SYT17: variants seen among roughly 807,000 people sequenced by gnomAD.
SYT17 encodes the protein synaptotagmin-17.
In SYT17, 22 loss-of-function variants were observed where a neutral mutation model predicts 46.7. That is an observed-to-expected ratio of 0.47 (90% CI 0.34 to 0.67). The LOEUF is 0.67. SYT17 is among the 30% of genes least tolerant of loss of function. The pLI, the probability that SYT17 is intolerant of heterozygous loss-of-function variation, is 0.01. For missense variants in SYT17, 519 were observed against 612.8 expected, an observed-to-expected ratio of 0.85 and a Z score of 1.62; for synonymous variants, 251 against 248.4, an observed-to-expected ratio of 1.01 and a Z score of -0.10.
chr16:19,186,606 C>G (rs1964801192), intron 5 of SYT17, among the ~76,000 whole-genome samples: 1 of 152,274 alleles, frequency 6.6e-6, no homozygotes, highest in African/African-American at 2.4e-5. Flanking sequence ...CTTGCTGGTG[C>G]TATTATCAGC....
chr16:19,196,404 G>C (rs1046236192), intron 5 of SYT17, among the ~76,000 whole-genome samples: 2 of 151,768 alleles, frequency 1.3e-5, no homozygotes, highest in Non-Finnish European at 2.9e-5. Context: ...CACCACACCC[G>C]GTTAATTTTT....
At position 19,180,436 on chromosome 16, in the gene SYT17, G is replaced by A. The variant is rs199936686; in HGVS notation, c.228G>A (p.Thr76=). 72 of 1,614,174 alleles carry A rather than the reference G, an allele frequency of 4.5e-5. No individual in the cohort carries two copies. The highest frequency in any genetic ancestry group is 1.3e-4 in the Admixed American group (8 of 60,028). The change falls in exon 4 of 8, where the codon ACG becomes ACA. Residue 76 remains threonine, a synonymous_variant. Coordinates refer to ENST00000355377, the MANE Select transcript of SYT17 (RefSeq NM_016524.4). ...SSDKDGDSVH[T]ASEVPLTPRT... ...ACAAGGATGGTGACTCTGTCCACAC[G>A]GCCAGCGAAGTCCCGCTGACCCCAC... is the stretch of plus-strand genomic sequence containing the variant.
intron 7 of SYT17, among the ~76,000 whole-genome samples, chr16:19,244,915 T>C (rs1967422905): frequency 3.3e-5 from 5 of 152,182 alleles, no homozygotes. Context: ...GGCTGGGAAA[T>C]GTAGTCCAGC....
chr16:19,232,969 C>T (rs1331827286), intron 7 of SYT17, among the ~76,000 whole-genome samples: 1 of 152,174 alleles, frequency 6.6e-6, no homozygotes, highest in East Asian at 1.9e-4. Flanking sequence ...ATGCCCCGTT[C>T]CCAGAACAGA....
At chr16:19,219,605 A>G (rs3826250) in intron 5 of SYT17, among the ~76,000 whole-genome samples, 51,097 of 152,026 alleles carry the variant, frequency 0.34, 10,205 homozygotes, top group East Asian at 0.74. Flanking sequence ...GCAAATGCAC[A>G]CGTAACTGCT....
At chr16:19,232,839 T>TAAACAAACAAACAAAC (rs57954740) in intron 7 of SYT17, among the ~76,000 whole-genome samples, 15 of 150,116 alleles carry the variant, frequency 1.0e-4, no homozygotes, top group African/African-American at 3.2e-4. Context: ...CTCAAAAACA[T>TAAACAAACAAACAAAC]AAACAAACAA....
chr16:19,193,747 C>T (rs1288794157), intron 5 of SYT17, among the ~76,000 whole-genome samples: 1 of 152,198 alleles, frequency 6.6e-6, no homozygotes, highest in African/African-American at 2.4e-5. Context: ...CTTAATCATA[C>T]TGGGGAACTC....
chr16:19,182,016 AGAG>A (rs1159807934), intron 4 of SYT17, among the ~76,000 whole-genome samples: 15 of 149,042 alleles, frequency 1.0e-4, no homozygotes, highest in Admixed American at 6.7e-4. Flanking sequence ...AAAAAAAAAA[AGAG>A]AGAGAGGATT....
At chr16:19,253,448 G>A (rs546503763) in intron 7 of SYT17, among the ~76,000 whole-genome samples, 1 of 152,194 alleles carries the variant, frequency 6.6e-6, no homozygotes, top group South Asian at 2.1e-4. Flanking sequence ...GTGTGTGCCT[G>A]TAGTCCCAGG....
chr16:19,266,555 C>T (rs1044428328), intron 7 of SYT17, among the ~76,000 whole-genome samples: 1 of 152,174 alleles, frequency 6.6e-6, no homozygotes, highest in Non-Finnish European at 1.5e-5. Context: ...TGCCGTGGGA[C>T]ATACGTTTAA....
intron 5 of SYT17, among the ~76,000 whole-genome samples, chr16:19,184,446 C>T (rs371258787): frequency 7.3e-5 from 11 of 151,168 alleles, no homozygotes; most frequent in South Asian, 2.1e-4. Flanking sequence ...AGCGCCGTGG[C>T]GTGATCTTGG....
At chr16:19,249,539 G>A (rs753626784) in intron 7 of SYT17, among the ~76,000 whole-genome samples, 1 of 152,150 alleles carries the variant, frequency 6.6e-6, no homozygotes, top group Non-Finnish European at 1.5e-5. Flanking sequence ...GTGTAAATAA[G>A]ACTTTAATAA....
At chr16:19,172,851 G>A (rs911870480) in intron 2 of SYT17, 74 bp downstream of exon 2, 5 of 1,528,934 alleles carry the variant, frequency 3.3e-6, no homozygotes, top group Non-Finnish European at 4.5e-6. Context: ...GGAGTCTTAT[G>A]TGGGGCTGTG....
intron 4 of SYT17, 118 bp downstream of exon 4, chr16:19,180,657 G>T: frequency 1.6e-6 from 2 of 1,233,906 alleles, no homozygotes; most frequent in Non-Finnish European, 2.3e-6. Context: ...TGGGATGACA[G>T]TCCAGGAGAC....
chr16:19,264,121 G>A (rs1170855430), intron 7 of SYT17, among the ~76,000 whole-genome samples: 1 of 152,176 alleles, frequency 6.6e-6, no homozygotes, highest in East Asian at 1.9e-4. Flanking sequence ...TGAGGAAGCA[G>A]CTTCTCACCA....
At chr16:19,238,784 G>T (rs905615149) in intron 7 of SYT17, among the ~76,000 whole-genome samples, 11 of 152,192 alleles carry the variant, frequency 7.2e-5, no homozygotes, top group African/African-American at 2.7e-4. Context: ...TTTCAGGCTT[G>T]CTTTGTGCCT....
chr16:19,235,296 A>T (rs1024395195), intron 7 of SYT17, among the ~76,000 whole-genome samples: 8 of 152,152 alleles, frequency 5.3e-5, no homozygotes, highest in Non-Finnish European at 1.5e-5. Context: ...TGAAAACCAA[A>T]CTATAGGGTG....
chr16:19,242,064 C>T (rs539253529), intron 7 of SYT17, among the ~76,000 whole-genome samples: 1 of 152,252 alleles, frequency 6.6e-6, no homozygotes, highest in Non-Finnish European at 1.5e-5. Context: ...AAACCCTGGT[C>T]ATCTGGACTA....
chr16:19,202,206 C>G (rs1393668449), intron 5 of SYT17, among the ~76,000 whole-genome samples: 2 of 152,084 alleles, frequency 1.3e-5, no homozygotes, highest in African/African-American at 2.4e-5. Flanking sequence ...AGTCAAAAGC[C>G]CCAGGGTGCC....
Sources: allele counts gnomAD v4.1 joint callset (sites outside exome capture counted in the v4.1 genomes callset), GRCh38; gene constraint gnomAD v4.1.1; transcripts MANE v1.5; gene names NCBI Gene and HGNC (gene_info 2026-07-23, HGNC 2026-07-21).